The following LPXN variants were observed in gnomAD, a reference collection of about 807,000 sequenced individuals.
The protein encoded by LPXN is leupaxin.
In LPXN, 28 loss-of-function variants were observed where a neutral mutation model predicts 45.6. The ratio of observed to expected loss-of-function variants is 0.61; its 90% confidence interval spans 0.45 to 0.84. The LOEUF (loss-of-function observed/expected upper bound fraction) is 0.84, where lower values mean the gene tolerates loss of function less well. Among genes scored for constraint, LPXN ranks in the 40% least tolerant of loss-of-function variants. LPXN has a pLI of 0.00. For synonymous variants in LPXN, 166 were observed against 169.9 expected (o/e 0.98, Z 0.18); for missense variants, 459 against 475.0 (o/e 0.97, Z 0.31).
At chr11:58,567,940 T>TG (rs1854571855) in intron 2 of LPXN, among the ~76,000 whole-genome samples, 1 of 152,228 alleles carries the variant, frequency 6.6e-6, no homozygotes, top group Non-Finnish European at 1.5e-5. Flanking sequence ...ACAATTAGGT[T>TG]ACACTATACT....
At chr11:58,555,790 ACG>A (rs1491505330) in intron 3 of LPXN, among the ~76,000 whole-genome samples, 2 of 144,764 alleles carry the variant, frequency 1.4e-5, no homozygotes, top group Non-Finnish European at 3.1e-5. Flanking sequence ...ACACACACAC[ACG>A]CCTTTGGGAG....
chr11:58,570,818 C>T (rs562585056), intron 1 of LPXN, 105 bp from the exon 2 acceptor site: 25 of 756,172 alleles, frequency 3.3e-5, no homozygotes, highest in Admixed American at 1.2e-4. Context: ...TCCTTTTCTT[C>T]AATTATGGCT....
intron 4 of LPXN, among the ~76,000 whole-genome samples, chr11:58,553,423 CAATT>C (rs1017080619): frequency 8.0e-5 from 12 of 150,038 alleles, no homozygotes; most frequent in African/African-American, 2.9e-4. Flanking sequence ...AAACGCAACA[CAATT>C]AAATCTAATG....
intron 2 of LPXN, among the ~76,000 whole-genome samples, chr11:58,568,968 C>A (rs1313505293): frequency 6.6e-6 from 1 of 152,178 alleles, no homozygotes; most frequent in Non-Finnish European, 1.5e-5. Context: ...TGAGAACAGA[C>A]TGCAGTGGGG....
intron 2 of LPXN, among the ~76,000 whole-genome samples, chr11:58,568,017 C>T (rs964209436): frequency 6.6e-6 from 1 of 152,200 alleles, no homozygotes; most frequent in South Asian, 2.1e-4. Flanking sequence ...CACAATTTCT[C>T]CCATTTTCTA....
chr11:58,568,075 A>G (rs10160409), intron 2 of LPXN, among the ~76,000 whole-genome samples: 1,662 of 152,210 alleles, frequency 0.011, 37 homozygotes, highest in African/African-American at 0.038. Context: ...CCACCACACG[A>G]CCACATGAGG....
chr11:58,547,680 G>T (rs1853916136), intron 7 of LPXN, among the ~76,000 whole-genome samples: 1 of 152,212 alleles, frequency 6.6e-6, no homozygotes, highest in Non-Finnish European at 1.5e-5. Flanking sequence ...CTAAAAAAGA[G>T]AGGGAGTGGC....
intron 2 of LPXN, among the ~76,000 whole-genome samples, chr11:58,565,761 T>C (rs1190914364): frequency 1.3e-5 from 2 of 152,056 alleles, no homozygotes; most frequent in Non-Finnish European, 2.9e-5. Context: ...GGCACGTGCA[T>C]CATTTGAGGT....
At chr11:58,532,188 C>T (rs115261658) in intron 7 of LPXN, among the ~76,000 whole-genome samples, 4,560 of 152,320 alleles carry the variant, frequency 0.03, 229 homozygotes, top group African/African-American at 0.1. Context: ...CTCCCTGTGG[C>T]GCAGGGCTTG....
chr11:58,527,028 G>A lies in LPXN; in HGVS notation c.*426C>T, dbSNP rs746621827. 10 of 167,796 alleles carry A rather than the reference G, an allele frequency of 6.0e-5. No individual in the cohort carries two copies. Among genetic ancestry groups the A allele is most frequent in the Non-Finnish European group, 1.3e-4 (10 of 75,530 alleles). 10.4% of individuals were successfully genotyped at this position (167,796 alleles called of 1,614,324 possible). On this transcript the variant is annotated 3_prime_UTR_variant, in exon 9 of 9. Coordinates refer to ENST00000395074, the MANE Select transcript of LPXN (RefSeq NM_004811.3). ...TCCACAGCAGTGATTGTAAGACAGT[G>A]AGCCACAGGGAAATGGGAAAACGTG...
At chr11:58,541,306 T>C (rs936714361) in intron 7 of LPXN, among the ~76,000 whole-genome samples, 13 of 152,276 alleles carry the variant, frequency 8.5e-5, no homozygotes, top group African/African-American at 2.9e-4. Flanking sequence ...AAAGGGCTAA[T>C]ATCCAGAATC....
chr11:58,551,242 G>A lies in LPXN; in HGVS notation c.319-10C>T. 6.3e-7 allele frequency: 1 copy of A among 1,594,876 alleles called. No individual in the cohort carries two copies. The highest frequency in any genetic ancestry group is 8.5e-7 in the Non-Finnish European group (1 of 1,171,992). ...CTGCTCTCACTGCAACCTGGCCCAAGGGAAGAACCAAGAACAGAATCAGCC... is the reference window on the plus strand; with the variant it reads ...CTGCTCTCACTGCAACCTGGCCCAAAGGAAGAACCAAGAACAGAATCAGCC... On this transcript the variant is annotated splice_polypyrimidine_tract_variant and intron_variant, in intron 4 of 8. Coordinates refer to ENST00000395074, the MANE Select transcript of LPXN (RefSeq NM_004811.3).
chr11:58,538,068 C>A (rs1853608125), intron 7 of LPXN, among the ~76,000 whole-genome samples: 1 of 151,828 alleles, frequency 6.6e-6, no homozygotes, highest in Non-Finnish European at 1.5e-5. Flanking sequence ...TGATGATTTC[C>A]AATTTCATCC....
chr11:58,533,955 A>G (rs1853472796), intron 7 of LPXN, among the ~76,000 whole-genome samples: 1 of 152,240 alleles, frequency 6.6e-6, no homozygotes, highest in South Asian at 2.1e-4. Context: ...AAAGGGATTA[A>G]TGCAACAGGA....
chr11:58,578,785 C>T (rs1455827651), upstream of LPXN, among the ~76,000 whole-genome samples: 6 of 151,948 alleles, frequency 3.9e-5, no homozygotes, highest in Admixed American at 3.3e-4. Context: ...TTCTTCTCAC[C>T]CGCCTCCCTC....
At chr11:58,576,868 C>G (rs2134372701), upstream of LPXN, among the ~76,000 whole-genome samples, 1 of 152,286 alleles carries the variant, frequency 6.6e-6, no homozygotes, top group South Asian at 2.1e-4. Context: ...ACTCGAACTC[C>G]TGAACTCAAG....
chr11:58,529,559 G>A (rs1211175755), intron 7 of LPXN, among the ~76,000 whole-genome samples: 6 of 147,888 alleles, frequency 4.1e-5, no homozygotes, highest in Admixed American at 2.7e-4. Flanking sequence ...GCAGTGAGCC[G>A]AGATCGCACC....
chr11:58,551,103 C>G lies in LPXN; in HGVS notation c.448G>C (p.Gly150Arg). Residue 150 changes from glycine (G) to arginine (R), a missense_variant, in exon 5 of 9, where the codon GGC becomes CGC. Gly to Arg is a moderately radical substitution (Grantham distance 125, BLOSUM62 -2). Coordinates refer to ENST00000395074, the MANE Select transcript of LPXN (RefSeq NM_004811.3). ...QDLGIATVPK[G>R]HCASCQKPIA... ...GGTTTCTGGCAGGATGCACAATGGC[C>G]CTTGGGCACTGTGGCAATGCCAAGG... The G allele has an allele frequency of 1.9e-6, 3 of 1,603,200 alleles. No homozygotes were observed. The South Asian group carries it at 3.3e-5, about 18-fold the overall frequency.
At chr11:58,557,101 T>G (rs1176600306) in intron 3 of LPXN, among the ~76,000 whole-genome samples, 1 of 152,172 alleles carries the variant, frequency 6.6e-6, no homozygotes, top group Non-Finnish European at 1.5e-5. Flanking sequence ...GGTGGGAATG[T>G]AGATTGTTAC....
Sources: allele counts gnomAD v4.1 joint callset (sites outside exome capture counted in the v4.1 genomes callset), GRCh38; gene constraint gnomAD v4.1.1; transcripts MANE v1.5; gene names NCBI Gene and HGNC (gene_info 2026-07-23, HGNC 2026-07-21).